EPHB2: variants seen among roughly 807,000 people sequenced by gnomAD.
The protein encoded by EPHB2 is EPH receptor B2.
In EPHB2, 18 loss-of-function variants were observed where a neutral mutation model predicts 96.4. That is an observed-to-expected ratio of 0.19 (90% CI 0.13 to 0.28). The LOEUF is 0.28. EPHB2 is among the 10% of genes least tolerant of loss of function. The probability of loss-of-function intolerance (pLI) is 1.00; values close to 1 mark genes in which losing one functional copy is unlikely to be tolerated. For synonymous variants in EPHB2, 506 were observed against 534.1 expected (o/e 0.95, Z 0.72); for missense variants, 989 against 1,355.4 (o/e 0.73, Z 4.25).
chr1:22,837,560 T>C (rs1457679743), intron 3 of EPHB2, among the ~76,000 whole-genome samples: 1 of 152,204 alleles, frequency 6.6e-6, no homozygotes, highest in African/African-American at 2.4e-5. Flanking sequence ...AGTTGCACAT[T>C]GTTTAGTAGA....
intron 5 of EPHB2, among the ~76,000 whole-genome samples, chr1:22,881,827 A>G (rs1639056076): frequency 6.6e-6 from 1 of 152,068 alleles, no homozygotes; most frequent in South Asian, 2.1e-4. Context: ...TCCTGACCTC[A>G]GGTGATCTGC....
rs1174905857 is a variant in EPHB2 at position 22,908,151 on chromosome 1, A to G, written c.2335A>G (p.Thr779Ala). 8 of 1,614,222 alleles carry G rather than the reference A, an allele frequency of 5.0e-6. No homozygotes were observed. The highest frequency in any genetic ancestry group is 6.8e-6 in the Non-Finnish European group (8 of 1,180,040). Residue 779 changes from threonine to alanine, a missense_variant, in exon 12 of 16, where the codon ACC (threonine) becomes GCC (alanine). Transcript: ENST00000374630. ...TCTAGAGGACGATACCTCAGACCCC[A>G]CCTACACCAGTGCCCTGGTAAGATG... is the stretch of plus-strand genomic sequence containing the variant. ...RFLEDDTSDP[T>A]YTSALGGKIP...
At chr1:22,867,871 C>CGAA (rs1470660976) in intron 5 of EPHB2, among the ~76,000 whole-genome samples, 2 of 151,856 alleles carry the variant, frequency 1.3e-5, no homozygotes, top group African/African-American at 4.8e-5. Context: ...GATTCCATCT[C>CGAA]GAAGAAGAAG....
intron 1 of EPHB2, chr1:22,775,056 C>T (rs1355727698): frequency 1.5e-6 from 1 of 677,510 alleles, no homozygotes; most frequent in East Asian, 2.7e-5. Flanking sequence ...CTCCTCCTGC[C>T]CCTTGCTATT....
intron 1 of EPHB2, among the ~76,000 whole-genome samples, chr1:22,744,725 A>G (rs1199836237): frequency 2.0e-5 from 3 of 149,044 alleles, no homozygotes; most frequent in African/African-American, 7.4e-5. Context: ...GCATGGTGGC[A>G]TGCACTTGTA....
chr1:22,781,526 T>A, intron 2 of EPHB2, 41 bp downstream of exon 2: 1 of 1,606,450 alleles, frequency 6.2e-7, no homozygotes. Context: ...GTCCCCAGGA[T>A]CCCTCAAGCC....
chr1:22,849,952 G>A (rs150540176), intron 3 of EPHB2, among the ~76,000 whole-genome samples: 3 of 152,324 alleles, frequency 2.0e-5, no homozygotes, highest in East Asian at 3.9e-4. Context: ...CGGGGGGTCC[G>A]GGGGTTTGTT....
At chr1:22,890,295 G>A (rs1283909661) in intron 6 of EPHB2, among the ~76,000 whole-genome samples, 1 of 152,192 alleles carries the variant, frequency 6.6e-6, no homozygotes, top group African/African-American at 2.4e-5. Flanking sequence ...GAAGGAAGAG[G>A]TGCATCTGGC....
At chr1:22,747,359 C>T (rs1188696476) in intron 1 of EPHB2, among the ~76,000 whole-genome samples, 1 of 152,216 alleles carries the variant, frequency 6.6e-6, no homozygotes, top group African/African-American at 2.4e-5. Context: ...TTACTTAATC[C>T]TTGACATTGC....
At chr1:22,740,725 G>A (rs991478405) in intron 1 of EPHB2, among the ~76,000 whole-genome samples, 3 of 151,858 alleles carry the variant, frequency 2.0e-5, no homozygotes, top group Middle Eastern at 3.4e-3. Flanking sequence ...TCTGCCTGGC[G>A]GCCCTTCCCC....
At chr1:22,741,079 A>G (rs1570185554) in intron 1 of EPHB2, among the ~76,000 whole-genome samples, 1 of 151,694 alleles carries the variant, frequency 6.6e-6, no homozygotes, top group Admixed American at 6.6e-5. Context: ...GTGGTGGGGG[A>G]TGCAGGTCCC....
intron 5 of EPHB2, among the ~76,000 whole-genome samples, chr1:22,878,380 C>T (rs75750993): frequency 0.016 from 2,375 of 152,336 alleles, 67 homozygotes; most frequent in African/African-American, 0.054. Flanking sequence ...TAGCATGGTG[C>T]CCATCCTGGG....
intron 3 of EPHB2, among the ~76,000 whole-genome samples, chr1:22,788,899 C>A (rs772221700): frequency 6.6e-6 from 1 of 151,932 alleles, no homozygotes; most frequent in Non-Finnish European, 1.5e-5. Context: ...GGATTACAGG[C>A]GTGCACCATC....
chr1:22,835,330 T>C (rs2148490929), intron 3 of EPHB2, among the ~76,000 whole-genome samples: 1 of 151,434 alleles, frequency 6.6e-6, no homozygotes, highest in Non-Finnish European at 1.5e-5. Flanking sequence ...CAGTGAGCCA[T>C]GATCACACCA....
intron 5 of EPHB2, among the ~76,000 whole-genome samples, chr1:22,871,595 G>T (rs979400449): frequency 6.6e-6 from 1 of 152,224 alleles, no homozygotes; most frequent in Middle Eastern, 3.2e-3. Context: ...AATGTGAACA[G>T]CACCTGGAAC....
At position 22,906,592 on chromosome 1, in the gene EPHB2, T is replaced by A; in HGVS notation, c.1889-118T>A. 1 of 1,481,192 alleles carries A rather than the reference T, an allele frequency of 6.8e-7. No homozygotes were observed. Among genetic ancestry groups the A allele is most frequent in the Non-Finnish European group, 9.2e-7 (1 of 1,089,852 alleles). 91.8% of individuals were successfully genotyped at this position (1,481,192 alleles called of 1,614,324 possible). ...GGGGTTCTGTGTCTGCAAGGATGAG[T>A]GGGCCATTGAGAAGAAAATGTACCT... On this transcript the variant is annotated intron_variant, in intron 10 of 15. Transcript: ENST00000374630. The surrounding 1 kb of genome is among the most constrained non-coding windows in gnomAD (Gnocchi z 4.8).
chr1:22,711,575 G>A (rs1342242107), intron 1 of EPHB2, among the ~76,000 whole-genome samples: 9 of 151,760 alleles, frequency 5.9e-5, no homozygotes, highest in Admixed American at 5.9e-4. Flanking sequence ...TGGCAGAGTG[G>A]AAGGGAGCGC....
chr1:22,897,568 A>C (rs965459574), intron 9 of EPHB2, among the ~76,000 whole-genome samples: 4 of 151,924 alleles, frequency 2.6e-5, no homozygotes, highest in Non-Finnish European at 4.4e-5. Flanking sequence ...CAGGCAGATC[A>C]CTTGAGGCCA....
chr1:22,717,680 T>G (rs114834553), intron 1 of EPHB2, among the ~76,000 whole-genome samples: 1,676 of 152,346 alleles, frequency 0.011, 27 homozygotes, highest in African/African-American at 0.038. Flanking sequence ...CTGTGTCCAT[T>G]CTTTATTAGT....
Sources: allele counts gnomAD v4.1 joint callset (sites outside exome capture counted in the v4.1 genomes callset), GRCh38; gene constraint gnomAD v4.1.1; non-coding constraint Gnocchi (gnomAD v3.1); transcripts MANE v1.5; gene names NCBI Gene and HGNC (gene_info 2026-07-23, HGNC 2026-07-21).